RUNX1T1: variants seen among roughly 807,000 people sequenced by gnomAD.
RUNX1T1 encodes the protein protein CBFA2T1.
A neutral mutation model predicts 62.8 loss-of-function variants in RUNX1T1; 4 were observed. The ratio of observed to expected loss-of-function variants is 0.06; its 90% CI spans 0.03 to 0.15. The LOEUF (loss-of-function observed/expected upper bound fraction) is 0.15, where lower values mean the gene tolerates loss of function less well. Among genes scored for constraint, RUNX1T1 ranks in the 10% least tolerant of loss-of-function variants. The pLI is 1.00. For missense variants in RUNX1T1, 508 were observed against 754.3 expected, an observed-to-expected ratio of 0.67 and a Z score of 3.82; for synonymous variants, 291 against 286.0, an observed-to-expected ratio of 1.02 and a Z score of -0.18.
chr8:92,034,135 CG>C (rs1769773030), intron 1 of RUNX1T1, among the ~76,000 whole-genome samples: 1 of 151,950 alleles, frequency 6.6e-6, no homozygotes, highest in African/African-American at 2.4e-5. Context: ...TGAACACACA[CG>C]AGTAGAAAAA....
chr8:92,055,421 A>C (rs557740034), intron 1 of RUNX1T1, among the ~76,000 whole-genome samples: 54 of 152,152 alleles, frequency 3.5e-4, no homozygotes, highest in Non-Finnish European at 6.3e-4. Context: ...CAACTTTGGG[A>C]GGCACTTCGC....
chr8:92,032,894 C>T (rs939020200), intron 1 of RUNX1T1, among the ~76,000 whole-genome samples: 1 of 152,042 alleles, frequency 6.6e-6, no homozygotes, highest in Non-Finnish European at 1.5e-5. Flanking sequence ...TGACCCATAA[C>T]CCTATAAGGG....
intron 5 of RUNX1T1, 135 bp downstream of exon 6, chr8:92,004,981 A>G: frequency 1.3e-6 from 1 of 742,114 alleles, no homozygotes; most frequent in Non-Finnish European, 2.1e-6. Flanking sequence ...CAGATTCTCA[A>G]GATGGCCACA....
intron 3 of RUNX1T1, among the ~76,000 whole-genome samples, chr8:92,013,836 C>T (rs1261043529): frequency 6.6e-6 from 1 of 151,734 alleles, no homozygotes; most frequent in Admixed American, 6.6e-5. Context: ...TTTTTTTTAA[C>T]AAAAAAGAAT....
intron 10 of RUNX1T1, among the ~76,000 whole-genome samples, chr8:91,964,478 T>C (rs1811169139): frequency 6.6e-6 from 1 of 152,134 alleles, no homozygotes. Flanking sequence ...GGCAACACAT[T>C]GACTTAAATT....
chr8:92,081,587 G>A (rs1262223263), intron 1 of RUNX1T1, among the ~76,000 whole-genome samples: 1 of 147,746 alleles, frequency 6.8e-6, no homozygotes, highest in Non-Finnish European at 1.5e-5. Flanking sequence ...ACTCTCTCTA[G>A]GGAATAAGAG....
chr8:91,955,185 G>A (rs183342257), downstream of RUNX1T1: 17 of 216,610 alleles, frequency 7.8e-5, no homozygotes, highest in South Asian at 1.9e-4. Flanking sequence ...TACTGTTCGC[G>A]TAAACTAAAA....
At chr8:91,959,488 G>GTGTGTGTGTGTGTATA (rs1405432738) in exon 11 of RUNX1T1, 1 of 84,796 alleles carries the variant, frequency 1.2e-5, no homozygotes, top group African/African-American at 5.0e-5. Flanking sequence ...GTGTGTGTGT[G>GTGTGTGTGTGTGTATA]TATATATATA....
exon 9 of RUNX1T1, chr8:91,975,967 T>A: frequency 6.2e-7 from 1 of 1,611,910 alleles, no homozygotes; most frequent in Non-Finnish European, 8.5e-7. Flanking sequence ...GAATTCCCGA[T>A]GCGCGTCTAT....
intron 5 of RUNX1T1, among the ~76,000 whole-genome samples, chr8:92,000,172 TG>T (rs1819489178): frequency 6.6e-6 from 1 of 151,998 alleles, no homozygotes; most frequent in South Asian, 2.1e-4. Context: ...CCGGGCATGG[TG>T]GCAGGCATCT....
chr8:92,060,293 C>T (rs1322009123), intron 1 of RUNX1T1, among the ~76,000 whole-genome samples: 1 of 151,690 alleles, frequency 6.6e-6, no homozygotes, highest in African/African-American at 2.4e-5. Context: ...AAACAATATG[C>T]TAGCAACATC....
chr8:92,097,515 CA>C (rs1015189959), intron 1 of RUNX1T1, among the ~76,000 whole-genome samples: 22 of 152,120 alleles, frequency 1.4e-4, no homozygotes, highest in African/African-American at 1.9e-4. Flanking sequence ...AGACTACATA[CA>C]AACACCTAAA....
intron 1 of RUNX1T1, among the ~76,000 whole-genome samples, chr8:92,047,828 T>G (rs2130304193): frequency 6.6e-6 from 1 of 151,834 alleles, no homozygotes; most frequent in Admixed American, 6.6e-5. Flanking sequence ...AAATTGCCTC[T>G]TAGGTTATTT....
rs77153014 is a variant in RUNX1T1 at position 92,059,320 on chromosome 8, TA to T, written c.7+3225del. Among the ~76,000 whole-genome samples, 1,414 of 151,704 alleles carry T rather than the reference TA, an allele frequency of 9.3e-3. 23 individuals are homozygous for T. The highest frequency in any genetic ancestry group is 0.032 in the African/African-American group (1,332 of 41,398). On this transcript the variant is annotated intron_variant, in intron 1 of 10. Coordinates refer to ENST00000396218, the Ensembl canonical transcript of RUNX1T1. Reference sequence around the variant, plus strand: ...CATAATAGCATTTAGATGCATCTATTAAAAAAAAATCCAAGTGCATTATCCA... The same window carrying T: ...CATAATAGCATTTAGATGCATCTATTAAAAAAAATCCAAGTGCATTATCCA...
chr8:92,014,937 G>C (rs1822702824), intron 2 of RUNX1T1, 117 bp from the exon 4 acceptor site: 2 of 1,082,006 alleles, frequency 1.8e-6, no homozygotes, highest in East Asian at 2.6e-5. Context: ...TTTAAATGTT[G>C]GGACTTTTTA....
chr8:92,068,512 T>A (rs1208240665), intron 2 of RUNX1T1, among the ~76,000 whole-genome samples: 2 of 152,120 alleles, frequency 1.3e-5, no homozygotes, highest in Non-Finnish European at 2.9e-5. Flanking sequence ...ATCGGAGGGC[T>A]CGAGAGCTCT....
At chr8:91,981,492 G>A (rs371943357) in intron 8 of RUNX1T1, among the ~76,000 whole-genome samples, 1 of 127,750 alleles carries the variant, frequency 7.8e-6, no homozygotes. Flanking sequence ...TTGGCTCACT[G>A]CAACCTCCTC....
At chr8:92,024,857 T>G (rs1364312474) in intron 1 of RUNX1T1, among the ~76,000 whole-genome samples, 1 of 152,224 alleles carries the variant, frequency 6.6e-6, no homozygotes, top group African/African-American at 2.4e-5. Context: ...TGATTTCATT[T>G]GTGTTATCAT....
At chr8:92,074,561 A>C (rs1834149355) in intron 2 of RUNX1T1, among the ~76,000 whole-genome samples, 2 of 152,232 alleles carry the variant, frequency 1.3e-5, no homozygotes. Flanking sequence ...AAACTGGTGG[A>C]AGATGACAAG....
Sources: allele counts gnomAD v4.1 joint callset (sites outside exome capture counted in the v4.1 genomes callset), GRCh38; gene constraint gnomAD v4.1.1; transcripts MANE v1.5; gene names NCBI Gene and HGNC (gene_info 2026-07-23, HGNC 2026-07-21).